PCDHGA10: variants seen among roughly 807,000 people sequenced by gnomAD.
PCDHGA10 encodes protocadherin gamma subfamily A, 10, also known as protocadherin gamma-A10.
PCDHGA10 carries 42 observed loss-of-function variants against 59.5 expected under a neutral mutation model. That is an observed-to-expected ratio of 0.71 (90% CI 0.55 to 0.91). The LOEUF is 0.91. PCDHGA10 is among the 40% of genes least tolerant of loss of function. The probability of loss-of-function intolerance (pLI) is 0.00; values close to 1 mark genes in which losing one functional copy is unlikely to be tolerated. For missense variants in PCDHGA10, 1,111 were observed against 1,198.2 expected, an observed-to-expected ratio of 0.93 and a Z score of 1.07; for synonymous variants, 511 against 517.2, an observed-to-expected ratio of 0.99 and a Z score of 0.16.
In PCDHGA10 at chr5:141,489,449, A is replaced by G; in HGVS notation, c.2437-5358A>G. The G allele has an allele frequency of 6.2e-7, 1 of 1,614,056 alleles. No homozygotes were observed. Among genetic ancestry groups the G allele is most frequent in the Non-Finnish European group, 8.5e-7 (1 of 1,180,016 alleles). On this transcript the variant is annotated intron_variant, in intron 1 of 3. Coordinates refer to ENST00000398610, the MANE Select transcript of PCDHGA10 (RefSeq NM_018913.3). This position sits in a 1 kb window ranked among gnomAD's most constrained non-coding sequence, Gnocchi z 4.5. ...CGGCGGCTGCAATTGGGCTCTGAGG[A>G]GAATGGGCGCTATTTTTCCCTGAGC...
intron 1 of PCDHGA10, chr5:141,423,956 A>G: frequency 1.7e-6 from 2 of 1,182,724 alleles, no homozygotes; most frequent in Non-Finnish European, 2.1e-6. Flanking sequence ...TTTTAGTATT[A>G]TTTTTCTATT....
Position 141,414,532 on chromosome 5 carries a change from C to T in PCDHGA10, c.1357C>T (p.Pro453Ser), listed in dbSNP as rs747661760. The T allele has an allele frequency of 1.9e-6, 3 of 1,613,930 alleles. No homozygotes were observed. Among genetic ancestry groups the T allele is most frequent in the Admixed American group, 3.3e-5 (2 of 60,016 alleles). The change falls in exon 1 of 4, where the codon CCA becomes TCA. Residue 453 changes from proline to serine, a missense_variant. Coordinates refer to ENST00000398610, the MANE Select transcript of PCDHGA10 (RefSeq NM_018913.3). Reference sequence around the variant, plus strand: ...ACAAGTGGCAGATATCAATGACAACCCACCTACCTTCTCTCAAGTCTCCTA... The same window carrying T: ...ACAAGTGGCAGATATCAATGACAACTCACCTACCTTCTCTCAAGTCTCCTA... ...MLQVADINDN[P>S]PTFSQVSYFT...
intron 1 of PCDHGA10, among the ~76,000 whole-genome samples, chr5:141,482,127 T>C (rs2099553382): frequency 6.6e-6 from 1 of 151,774 alleles, no homozygotes; most frequent in African/African-American, 2.4e-5. Flanking sequence ...GGGAGAATCA[T>C]ATGGCTGGCA....
chr5:141,511,320 A>G lies in PCDHGA10; in HGVS notation c.*147A>G. ...CATGCTCCCCTTGGGAAACAGAAAC[A>G]AGTGCCCAGTCAGCACCTACCCCTT... On this transcript the variant is annotated 3_prime_UTR_variant, in exon 4 of 4. Transcript: ENST00000398610. 6.8e-7 allele frequency: 1 copy of G among 1,475,678 alleles called. No homozygotes were observed. The highest frequency in any genetic ancestry group is 1.4e-5 in the South Asian group (1 of 72,746). 91.4% of individuals were successfully genotyped at this position (1,475,678 alleles called of 1,614,324 possible).
chr5:141,506,246 C>T (rs1049014492), intron 3 of PCDHGA10, among the ~76,000 whole-genome samples: 3 of 151,958 alleles, frequency 2.0e-5, no homozygotes, highest in South Asian at 4.2e-4. Context: ...GTCAGGAGTT[C>T]GAAACCGGCC....
At chr5:141,470,983 C>G (rs1486663328) in intron 1 of PCDHGA10, among the ~76,000 whole-genome samples, 2 of 151,528 alleles carry the variant, frequency 1.3e-5, no homozygotes, top group African/African-American at 4.9e-5. Context: ...TCCCAAAGTG[C>G]TGGGACTACA....
At chr5:141,456,574 T>G (rs373414652) in intron 1 of PCDHGA10, among the ~76,000 whole-genome samples, 3 of 152,198 alleles carry the variant, frequency 2.0e-5, no homozygotes, top group South Asian at 4.1e-4. Flanking sequence ...ACATTTTCCC[T>G]GAGCCTGTCA....
At position 141,431,510 on chromosome 5, in the gene PCDHGA10, G is replaced by T; in HGVS notation, c.2436+15899G>T. On this transcript the variant is annotated intron_variant, in intron 1 of 3. Transcript: ENST00000398610. The surrounding 1 kb of genome is among the most constrained non-coding windows in gnomAD (Gnocchi z 4.8). ...TGCTCAGCCCGAGTACCGCGCGAGC[G>T]TTCCGGAGAATCTGGCCTTGGGCAC... 1 of 1,614,022 alleles carries T rather than the reference G, an allele frequency of 6.2e-7. No individual in the cohort carries two copies. Among genetic ancestry groups the T allele is most frequent in the Non-Finnish European group, 8.5e-7 (1 of 1,180,026 alleles).
Position 141,432,623 on chromosome 5 carries a change from C to T in PCDHGA10, c.2436+17012C>T, listed in dbSNP as rs1047752183. Reference sequence around the variant, plus strand: ...GCCGGGACTCTTCTCGGTGGGTCTGCACACGGGCGAGGTGCGCACGGCGCG... The same window carrying T: ...GCCGGGACTCTTCTCGGTGGGTCTGTACACGGGCGAGGTGCGCACGGCGCG... On this transcript the variant is annotated intron_variant, in intron 1 of 3. Coordinates refer to ENST00000398610, the MANE Select transcript of PCDHGA10 (RefSeq NM_018913.3). The surrounding 1 kb of genome is among the most constrained non-coding windows in gnomAD (Gnocchi z 6.0). The T allele has an allele frequency of 1.2e-6, 2 of 1,613,196 alleles. No homozygotes were observed. The highest frequency in any genetic ancestry group is 2.2e-5 in the East Asian group (1 of 44,792).
chr5:141,487,688 G>T lies in PCDHGA10; in HGVS notation c.2437-7119G>T, dbSNP rs376927186. ...AGGCATATGGCTAGGCCATGTCCTAGAGAGTACTGGCCTCTCAGTAAGTGC... is the reference window on the plus strand; with the variant it reads ...AGGCATATGGCTAGGCCATGTCCTATAGAGTACTGGCCTCTCAGTAAGTGC... On this transcript the variant is annotated intron_variant, in intron 1 of 3. Coordinates refer to ENST00000398610, the MANE Select transcript of PCDHGA10 (RefSeq NM_018913.3). The surrounding 1 kb of genome is among the most constrained non-coding windows in gnomAD (Gnocchi z 5.0). 1.2e-6 allele frequency: 2 copies of T among 1,604,966 alleles called. No individual in the cohort carries two copies.
intron 1 of PCDHGA10, chr5:141,418,140 A>C (rs1487263767): frequency 6.2e-7 from 1 of 1,613,986 alleles, no homozygotes; most frequent in African/African-American, 1.3e-5. Context: ...GACCGTGAGC[A>C]AATATGCAAA....
At chr5:141,471,075 G>T (rs574363005) in intron 1 of PCDHGA10, among the ~76,000 whole-genome samples, 1 of 143,346 alleles carries the variant, frequency 7.0e-6, no homozygotes, top group East Asian at 2.0e-4. Context: ...TTGAGACAGG[G>T]TCTCCCTCTG....
At chr5:141,464,056 G>C (rs2154568334) in intron 1 of PCDHGA10, among the ~76,000 whole-genome samples, 1 of 152,210 alleles carries the variant, frequency 6.6e-6, no homozygotes, top group East Asian at 1.9e-4. Context: ...CCTGAGGTCA[G>C]GAGTTCAAGG....
intron 1 of PCDHGA10, among the ~76,000 whole-genome samples, chr5:141,449,240 G>A (rs535847654): frequency 6.6e-6 from 1 of 152,186 alleles, no homozygotes; most frequent in Non-Finnish European, 1.5e-5. Context: ...ATTTTCAAAG[G>A]AGTTGCAAGA....
intron 1 of PCDHGA10, chr5:141,418,613 C>T (rs759701663): frequency 9.9e-6 from 16 of 1,613,892 alleles, no homozygotes; most frequent in Non-Finnish European, 1.4e-5. Context: ...GGTTAGCCTT[C>T]GGGAAGACGT....
chr5:141,490,942 C>G lies in PCDHGA10; in HGVS notation c.2437-3865C>G. 1 of 1,613,644 alleles carries G rather than the reference C, an allele frequency of 6.2e-7. No individual in the cohort carries two copies. Among genetic ancestry groups the G allele is most frequent in the Non-Finnish European group, 8.5e-7 (1 of 1,179,760 alleles). On this transcript the variant is annotated intron_variant, in intron 1 of 3. Transcript: ENST00000398610. This position sits in a 1 kb window ranked among gnomAD's most constrained non-coding sequence, Gnocchi z 5.4. ...TAATGCCCCAGCTGTGCTGCACCCA[C>G]GGCCAGACTGGGAACACTCAGCCCC...
At chr5:141,460,842 C>T (rs1339558359) in intron 1 of PCDHGA10, among the ~76,000 whole-genome samples, 2 of 150,412 alleles carry the variant, frequency 1.3e-5, no homozygotes, top group African/African-American at 2.4e-5. Flanking sequence ...GTAATGGCCT[C>T]CAGTTCGATC....
At chr5:141,418,966 C>T (rs754269610) in intron 1 of PCDHGA10, 44 of 1,613,892 alleles carry the variant, frequency 2.7e-5, no homozygotes, top group Non-Finnish European at 3.6e-5. Flanking sequence ...TTGCCCTCTT[C>T]AAAACACGGG....
intron 1 of PCDHGA10, among the ~76,000 whole-genome samples, chr5:141,460,888 C>T (rs530320189): frequency 1.3e-5 from 2 of 149,792 alleles, no homozygotes; most frequent in East Asian, 2.0e-4. Context: ...CATGCCTTTT[C>T]GTGGCTGAGT....
Sources: gnomAD v4.1 joint callset for allele counts (sites outside exome capture counted in the v4.1 genomes callset) on GRCh38, gnomAD v4.1.1 for gene constraint, Gnocchi (gnomAD v3.1) non-coding constraint, MANE v1.5 for transcripts, NCBI Gene and HGNC (gene_info 2026-07-23, HGNC 2026-07-21) for gene names.